Variants in UGT3A1 observed in about 807,000 individuals in gnomAD.
UGT3A1 encodes the protein UDP glycosyltransferase family 3 member A1.
In UGT3A1, 40 loss-of-function variants were observed where a neutral mutation model predicts 37.6. The ratio of observed to expected loss-of-function variants is 1.06; its 90% CI spans 0.83 to 1.38. The LOEUF is 1.38. Ranked by LOEUF, UGT3A1 falls within the 40% of genes most tolerant of loss-of-function variation. The pLI, the probability that UGT3A1 is intolerant of heterozygous loss-of-function variation, is 0.00. For synonymous variants in UGT3A1, 256 were observed against 232.3 expected (o/e 1.10, Z -0.93); for missense variants, 642 against 634.2 (o/e 1.01, Z -0.13).
chr5:35,985,086 A>AG (rs1315551522), intron 2 of UGT3A1, among the ~76,000 whole-genome samples: 1 of 149,414 alleles, frequency 6.7e-6, no homozygotes, highest in African/African-American at 2.4e-5. Flanking sequence ...ATATAAAAAA[A>AG]AAAAAAAAAG....
intron 1 of UGT3A1, among the ~76,000 whole-genome samples, chr5:35,999,228 C>G (rs1004365516): frequency 7.3e-6 from 1 of 136,466 alleles, no homozygotes; most frequent in African/African-American, 2.8e-5. Context: ...CAGAGAGAGA[C>G]TCCATCTCAA....
chr5:35,962,683 A>G, intron 4 of UGT3A1: 1 of 566,772 alleles, frequency 1.8e-6, no homozygotes, highest in Non-Finnish European at 3.2e-6. Flanking sequence ...ACGCCTACAG[A>G]AAATGTCCAG....
chr5:35,991,337 C>G lies in UGT3A1; in HGVS notation c.-97G>C. 1 of 1,564,260 alleles carries G rather than the reference C, an allele frequency of 6.4e-7. No homozygotes were observed. On this transcript the variant is annotated 5_prime_UTR_variant, in exon 1 of 7. Transcript: ENST00000274278. ...CGCCTCAGTACTCCAAAGGCACTGG[C>G]TGTGGGCCTAGGAAGAGGTAGGAGA... is the stretch of plus-strand genomic sequence containing the variant.
Position 35,954,413 on chromosome 5 carries a change from CGCTGTGCGGGGCTCAGGG to C in UGT3A1, c.1343_1360del (p.Pro448_Gln453del). The stretch of plus-strand genomic sequence containing the variant: ...GATGTGGTCGATCCAGCCCACCAGC[CGCTGTGCGGGGCTCAGGG>C]GCTGAGAGTGCAGGATGACACTGGC... On this transcript the variant is annotated inframe_deletion, in exon 7 of 7. Coordinates refer to ENST00000274278, the MANE Select transcript of UGT3A1 (RefSeq NM_152404.4). The C allele has an allele frequency of 6.2e-7, 1 of 1,614,192 alleles. No homozygotes were observed.
In UGT3A1 at chr5:35,965,643, C is replaced by T. The variant is rs145626730; in HGVS notation, c.586G>A (p.Asp196Asn). 7.4e-6 allele frequency: 12 copies of T among 1,614,024 alleles called. No homozygotes were observed. The highest frequency in any genetic ancestry group is 1.0e-5 in the Non-Finnish European group (12 of 1,180,032). Residue 196 changes from aspartate to asparagine, a missense_variant, in exon 4 of 7, where the codon GAC becomes AAC. By Grantham distance (23) the Asp-to-Asn change is conservative. Coordinates refer to ENST00000274278, the MANE Select transcript of UGT3A1 (RefSeq NM_152404.4). ...VFPSLLTDHM[D>N]FWGRVKNFLM... ...AAATTCTTCACTCGGCCCCAGAAGT[C>T]CATGTGATCAGTCAGCAAGGAAGGG...
At position 35,970,252 on chromosome 5, in the gene UGT3A1, C is replaced by A. The variant is rs184319843; in HGVS notation, c.197-2119G>T. 5.9e-5 allele frequency among the ~76,000 whole-genome samples: 9 copies of A among 152,142 alleles called. No homozygotes were observed. In the East Asian group the frequency reaches 1.7e-3, roughly 29 times the overall value. Reference sequence around the variant, plus strand: ...AAAAATACAAAAATAATTAGCCAGGCGTGGTGGCACACACCTGTAGTCCCA... The same window carrying A: ...AAAAATACAAAAATAATTAGCCAGGAGTGGTGGCACACACCTGTAGTCCCA... On this transcript the variant is annotated intron_variant, in intron 2 of 6. Coordinates refer to ENST00000274278, the MANE Select transcript of UGT3A1 (RefSeq NM_152404.4).
intron 4 of UGT3A1, among the ~76,000 whole-genome samples, chr5:35,963,170 C>G (rs1477536939): frequency 1.3e-5 from 2 of 152,202 alleles, no homozygotes; most frequent in African/African-American, 4.8e-5. Flanking sequence ...ACCTATGCCT[C>G]TATTTCCCCT....
At chr5:35,999,657 AT>A (rs1741176761) in intron 1 of UGT3A1, among the ~76,000 whole-genome samples, 1 of 152,252 alleles carries the variant, frequency 6.6e-6, no homozygotes, top group African/African-American at 2.4e-5. Flanking sequence ...GTGTAAAAAA[AT>A]ATTACTGGAA....
chr5:35,962,272 T>C (rs1739615797), intron 4 of UGT3A1: 1 of 152,556 alleles, frequency 6.6e-6, no homozygotes, highest in Middle Eastern at 3.4e-3. Flanking sequence ...CAGGGTCATG[T>C]GAAAACTTGC....
chr5:35,957,165 G>A (rs2149949389), intron 5 of UGT3A1, 23 bp downstream of exon 5: 4 of 1,602,738 alleles, frequency 2.5e-6, no homozygotes, highest in Admixed American at 1.7e-5. Context: ...GGAAAGAGAA[G>A]AGCAGACCTA....
intron 3 of UGT3A1, among the ~76,000 whole-genome samples, chr5:35,966,969 AT>A (rs1739832497): frequency 6.6e-6 from 1 of 152,232 alleles, no homozygotes; most frequent in Non-Finnish European, 1.5e-5. Flanking sequence ...ATAAAGAATG[AT>A]TTTTAAATAT....
chr5:35,971,993 G>T (rs1333976328), intron 2 of UGT3A1, among the ~76,000 whole-genome samples: 1 of 152,100 alleles, frequency 6.6e-6, no homozygotes, highest in East Asian at 1.9e-4. Context: ...TATGCCTACT[G>T]CCCACCCCTC....
At position 35,991,075 on chromosome 5, in the gene UGT3A1, C is replaced by G. The variant is rs375858239; in HGVS notation, c.94+72G>C. Reference sequence around the variant, plus strand: ...CGCCTGGATAACTCTGATCAATCGCCGTTCGCTGGAGCCCTGGCAGTGCGG... The same window carrying G: ...CGCCTGGATAACTCTGATCAATCGCGGTTCGCTGGAGCCCTGGCAGTGCGG... On this transcript the variant is annotated intron_variant, in intron 1 of 6. Transcript: ENST00000274278. 6 of 1,613,910 alleles carry G rather than the reference C, an allele frequency of 3.7e-6. No homozygotes were observed. The East Asian group carries it at 8.9e-5, about 24-fold the overall frequency.
chr5:35,978,087 T>G (rs930144104), intron 2 of UGT3A1, among the ~76,000 whole-genome samples: 1 of 152,150 alleles, frequency 6.6e-6, no homozygotes, highest in Non-Finnish European at 1.5e-5. Flanking sequence ...CAGGCTGGAG[T>G]GCAGTGGTGT....
rs931077210 is a variant in UGT3A1, at chr5:35,951,725, T to C, written c.*2477A>G. On this transcript the variant is annotated 3_prime_UTR_variant, in exon 7 of 7. Transcript: ENST00000274278. ...TCAAATTAATTTACACTTCTCTTGT[T>C]GTATCAGGATTTTTTCTTCCTATTT... is the stretch of plus-strand genomic sequence containing the variant. 22 of 152,210 alleles carry C rather than the reference T, an allele frequency of 1.4e-4. No individual in the cohort carries two copies. Among genetic ancestry groups the C allele is most frequent in the African/African-American group, 4.3e-4 (18 of 41,468 alleles). 9.4% of individuals were successfully genotyped at this position (152,210 alleles called of 1,614,324 possible).
intron 2 of UGT3A1, among the ~76,000 whole-genome samples, chr5:35,981,385 T>C (rs1020310381): frequency 6.6e-6 from 1 of 152,188 alleles, no homozygotes; most frequent in Non-Finnish European, 1.5e-5. Flanking sequence ...GATAGTGATA[T>C]GGACAATGAA....
chr5:35,991,745 C>G (rs780824361), upstream of UGT3A1: 1 of 651,546 alleles, frequency 1.5e-6, no homozygotes, highest in Non-Finnish European at 1.9e-6. Context: ...AAATCTCTAG[C>G]TGGTGTCCCA....
In UGT3A1 at chr5:35,951,152, G is replaced by A. The variant is rs529193540; in HGVS notation, c.*3050C>T. 1.5e-4 allele frequency: 23 copies of A among 151,700 alleles called. No individual in the cohort carries two copies. The highest frequency in any genetic ancestry group is 2.1e-4 in the Non-Finnish European group (14 of 67,914). The allele number at this position is 151,700 out of a possible 1,614,324, so 9.4% of individuals were successfully genotyped here. A position where few individuals can be genotyped will look rare whatever the true frequency, so the allele number is the denominator to read the frequency against. ...GAAAAAATTGATTTCATTTGTTTCC[G>A]TTTGTATTTCAGTTCTTGGCTTTTC... On this transcript the variant is annotated 3_prime_UTR_variant, in exon 7 of 7. Transcript: ENST00000274278.
At position 35,991,290 on chromosome 5, in the gene UGT3A1, G is replaced by A. The variant is rs550827700; in HGVS notation, c.-50C>T. The stretch of plus-strand genomic sequence containing the variant: ...TCTCAGCCTGGGCTGCGCGCCCTGC[G>A]CCGGGCTAAGGACTCTGTGCGCGCC... On this transcript the variant is annotated 5_prime_UTR_variant, in exon 1 of 7. Transcript: ENST00000274278. 2.5e-6 allele frequency: 4 copies of A among 1,611,388 alleles called. No individual in the cohort carries two copies. The highest frequency in any genetic ancestry group is 1.3e-5 in the African/African-American group (1 of 75,018).
Sources: allele counts gnomAD v4.1 joint callset (sites outside exome capture counted in the v4.1 genomes callset), GRCh38; gene constraint gnomAD v4.1.1; transcripts MANE v1.5; gene names NCBI Gene and HGNC (gene_info 2026-07-23, HGNC 2026-07-21).